Variants in PDE4D observed in about 807,000 individuals in gnomAD.
PDE4D encodes the protein phosphodiesterase 4D, also known as 3',5'-cyclic-AMP phosphodiesterase 4D.
Under a neutral mutation model 87.4 loss-of-function variants are expected in PDE4D, and 24 were observed. The observed-to-expected ratio is 0.27, with a 90% confidence interval of 0.20 to 0.39. The LOEUF (loss-of-function observed/expected upper bound fraction) is 0.39, where lower values mean the gene tolerates loss of function less well. Ranked by LOEUF, PDE4D falls within the 10% of genes least tolerant of loss-of-function variation. PDE4D has a pLI of 1.00. For missense variants in PDE4D, 714 were observed against 1,041.0 expected, an observed-to-expected ratio of 0.69 and a Z score of 4.32; for synonymous variants, 384 against 383.2, an observed-to-expected ratio of 1.00 and a Z score of -0.02.
chr5:59,209,436 T>C (rs6874847), intron 2 of PDE4D, among the ~76,000 whole-genome samples: 6,994 of 152,268 alleles, frequency 0.046, 565 homozygotes, highest in African/African-American at 0.16. Flanking sequence ...TCTGCCTGCC[T>C]TGGCCTCCCA....
chr5:59,193,259 C>A (rs1744724587), intron 3 of PDE4D, among the ~76,000 whole-genome samples: 1 of 152,138 alleles, frequency 6.6e-6, no homozygotes, highest in Non-Finnish European at 1.5e-5. Context: ...AAGTATATCC[C>A]TTAGCTAATT....
chr5:59,760,711 G>A (rs967567825), intron 1 of PDE4D, among the ~76,000 whole-genome samples: 7 of 152,106 alleles, frequency 4.6e-5, no homozygotes, highest in African/African-American at 1.7e-4. Context: ...ATGCATCTTA[G>A]TGAATGCTAC....
At chr5:59,218,126 A>G in intron 1 of PDE4D, 1 of 298,682 alleles carries the variant, frequency 3.3e-6, no homozygotes, top group Non-Finnish European at 6.7e-6. Flanking sequence ...TCTTCTAAGA[A>G]GATAGTCATG....
chr5:59,409,775 C>T (rs138911602), intron 1 of PDE4D, among the ~76,000 whole-genome samples: 36 of 150,232 alleles, frequency 2.4e-4, no homozygotes, highest in East Asian at 7.8e-4. Context: ...TTTATAGCAA[C>T]GCAATAATGG....
intron 5 of PDE4D, chr5:59,166,127 C>T (rs910016712): frequency 6.6e-6 from 1 of 152,052 alleles, no homozygotes; most frequent in Non-Finnish European, 1.5e-5. Context: ...GTATTGCAAG[C>T]AAAGGATCAT....
At chr5:58,999,727 G>A (rs1046491101) in intron 6 of PDE4D, 3 of 1,058,880 alleles carry the variant, frequency 2.8e-6, no homozygotes, top group Non-Finnish European at 3.4e-6. Flanking sequence ...TCTTCCCATC[G>A]AATACATGCC....
chr5:59,248,480 T>G (rs1034554683), intron 1 of PDE4D, among the ~76,000 whole-genome samples: 1 of 151,960 alleles, frequency 6.6e-6, no homozygotes, highest in Non-Finnish European at 1.5e-5. Context: ...CCAATCCTTA[T>G]CATTTTGTCT....
chr5:60,075,928 C>G (rs940243066), intron 2 of PDE4D, among the ~76,000 whole-genome samples: 1 of 152,082 alleles, frequency 6.6e-6, no homozygotes, highest in African/African-American at 2.4e-5. Flanking sequence ...ATTGTGATTC[C>G]TAGCTTCCTC....
intron 3 of PDE4D, among the ~76,000 whole-genome samples, chr5:59,188,878 A>G (rs144514294): frequency 6.6e-6 from 1 of 152,344 alleles, no homozygotes; most frequent in East Asian, 1.9e-4. Context: ...TTCGCTCTTA[A>G]AAAGAACTTA....
intron 2 of PDE4D, among the ~76,000 whole-genome samples, chr5:60,048,386 G>A (rs1769597736): frequency 6.6e-6 from 1 of 151,998 alleles, no homozygotes; most frequent in South Asian, 2.1e-4. Flanking sequence ...ATATTGTTAT[G>A]TGTGAATTTG....
chr5:59,275,457 C>T, intron 1 of PDE4D: 2 of 1,571,042 alleles, frequency 1.3e-6, no homozygotes, highest in Non-Finnish European at 1.7e-6. Context: ...TTAATACATT[C>T]TAACTGTCTT....
At chr5:59,766,421 A>C (rs1270974225) in intron 1 of PDE4D, among the ~76,000 whole-genome samples, 1 of 152,204 alleles carries the variant, frequency 6.6e-6, no homozygotes, top group Non-Finnish European at 1.5e-5. Context: ...CAGCACCAGA[A>C]AAGGAAGTGC....
In PDE4D at chr5:60,014,226, C is replaced by CTGG. The variant is rs1302973453; in HGVS notation, c.43-25510_43-25509insCCA. Among the ~76,000 whole-genome samples, 3 of 151,958 alleles carry CTGG rather than the reference C, an allele frequency of 2.0e-5. No homozygotes were observed. The East Asian group carries it at 5.8e-4, about 29-fold the overall frequency. On this transcript the variant is annotated intron_variant, in intron 2 of 16. Transcript: ENST00000502484. The stretch of plus-strand genomic sequence containing the variant: ...GTATATGACTGAAACTTTCTTGGAC[C>CTGG]ATCCAGCCCAGACCAGCTATTGACT...
At chr5:60,071,418 C>T (rs1485002920) in intron 2 of PDE4D, among the ~76,000 whole-genome samples, 1 of 151,978 alleles carries the variant, frequency 6.6e-6, no homozygotes, top group African/African-American at 2.4e-5. Flanking sequence ...TAAATTAAGA[C>T]TTAATTTGCC....
intron 5 of PDE4D, among the ~76,000 whole-genome samples, chr5:59,098,680 G>C (rs1770195006): frequency 7.9e-6 from 1 of 127,192 alleles, no homozygotes; most frequent in Non-Finnish European, 1.6e-5. Flanking sequence ...CTCCAGCCTG[G>C]GTGACAGAGA....
At chr5:59,020,631 T>G (rs1754970999) in intron 6 of PDE4D, among the ~76,000 whole-genome samples, 1 of 152,136 alleles carries the variant, frequency 6.6e-6, no homozygotes, top group Non-Finnish European at 1.5e-5. Context: ...GTAAACCAGT[T>G]GATCTCACAA....
chr5:60,516,272 G>C (rs1172465141), intron 1 of PDE4D, among the ~76,000 whole-genome samples: 1 of 152,242 alleles, frequency 6.6e-6, no homozygotes, highest in African/African-American at 2.4e-5. Flanking sequence ...CTTTGAAAGA[G>C]GATGTTTGAG....
intron 2 of PDE4D, among the ~76,000 whole-genome samples, chr5:60,083,726 C>T (rs11744093): frequency 1.1e-3 from 170 of 152,330 alleles, no homozygotes; most frequent in Middle Eastern, 3.4e-3. Flanking sequence ...TGTTATACAG[C>T]TGTTCCCAAA....
chr5:60,430,545 G>GTTTTTTT (rs1303120305), intron 1 of PDE4D, among the ~76,000 whole-genome samples: 1 of 116,348 alleles, frequency 8.6e-6, no homozygotes, highest in Non-Finnish European at 1.7e-5. Flanking sequence ...GTTTTTTTTT[G>GTTTTTTT]TTTGTTTTTT....
Sources: gnomAD v4.1 joint callset for allele counts (sites outside exome capture counted in the v4.1 genomes callset) on GRCh38, gnomAD v4.1.1 for gene constraint, MANE v1.5 for transcripts, NCBI Gene and HGNC (gene_info 2026-07-23, HGNC 2026-07-21) for gene names.